HPSE2: variants seen among roughly 807,000 people sequenced by gnomAD.
The protein encoded by HPSE2 is heparanase 2 (inactive).
Under a neutral mutation model 60.5 loss-of-function variants are expected in HPSE2, and 38 were observed. The ratio of observed to expected loss-of-function variants is 0.63; its 90% CI spans 0.48 to 0.82. The LOEUF is 0.82. HPSE2 is among the 40% of genes least tolerant of loss of function. HPSE2 has a pLI of 0.00. For synonymous variants in HPSE2, 295 were observed against 293.2 expected, an observed-to-expected ratio of 1.01 and a Z score of -0.06; for missense variants, 713 against 740.4, an observed-to-expected ratio of 0.96 and a Z score of 0.43.
intron 9 of HPSE2, among the ~76,000 whole-genome samples, chr10:98,491,712 T>A (rs191717511): frequency 6.6e-6 from 1 of 152,170 alleles, no homozygotes; most frequent in Non-Finnish European, 1.5e-5. Context: ...TTTCAAGGGG[T>A]ATCTCAGGTC....
chr10:98,711,010 G>A (rs965047421), intron 5 of HPSE2, among the ~76,000 whole-genome samples: 6 of 152,066 alleles, frequency 3.9e-5, no homozygotes, highest in African/African-American at 1.4e-4. Flanking sequence ...AGGCAGATGT[G>A]AGAGAATAAC....
At chr10:99,132,219 G>A (rs1405853894) in intron 3 of HPSE2, among the ~76,000 whole-genome samples, 1,018 of 21,956 alleles carry the variant, frequency 0.046, 131 homozygotes, top group Middle Eastern at 0.23. Context: ...GAGAGAGAGA[G>A]AGAGAGAGAG....
At chr10:98,917,281 G>C (rs1402469248) in intron 3 of HPSE2, among the ~76,000 whole-genome samples, 1 of 152,098 alleles carries the variant, frequency 6.6e-6, no homozygotes, top group South Asian at 2.1e-4. Context: ...AGCTACAAAG[G>C]TTCTAATTAT....
At chr10:98,552,840 TA>T (rs1482403353) in intron 9 of HPSE2, among the ~76,000 whole-genome samples, 4 of 152,252 alleles carry the variant, frequency 2.6e-5, no homozygotes, top group African/African-American at 7.2e-5. Context: ...AGACATCCCA[TA>T]TCAGCCTCTT....
chr10:99,011,021 C>T (rs1957000602), intron 3 of HPSE2, among the ~76,000 whole-genome samples: 1 of 151,848 alleles, frequency 6.6e-6, no homozygotes, highest in African/African-American at 2.4e-5. Context: ...CCTTCAACCC[C>T]TCTGTAGGCC....
intron 3 of HPSE2, among the ~76,000 whole-genome samples, chr10:98,937,981 T>C (rs1270158578): frequency 7.0e-6 from 1 of 143,550 alleles, no homozygotes; most frequent in Non-Finnish European, 1.5e-5. Context: ...GCAAACAGGG[T>C]CTGGAGTGGA....
chr10:98,508,457 G>T (rs560131532), intron 9 of HPSE2, among the ~76,000 whole-genome samples: 1 of 152,184 alleles, frequency 6.6e-6, no homozygotes, highest in South Asian at 2.1e-4. Flanking sequence ...CTAGTAGAGT[G>T]CCCGGCTATA....
At chr10:99,308,004 A>G in the HPSE2 span, among the ~76,000 whole-genome samples, 1 of 152,182 alleles carries the variant, frequency 6.6e-6, no homozygotes, top group South Asian at 2.1e-4. Context: ...TTCTACTCCT[A>G]TGTATACACA....
chr10:98,602,204 A>T (rs960565686), intron 9 of HPSE2, among the ~76,000 whole-genome samples: 1 of 152,154 alleles, frequency 6.6e-6, no homozygotes, highest in African/African-American at 2.4e-5. Context: ...AGCCACCAAA[A>T]TGGTACCTTG....
chr10:99,232,675 C>T (rs1416311912), intron 1 of HPSE2, among the ~76,000 whole-genome samples, 170 bp from the exon 2 acceptor site: 1 of 152,250 alleles, frequency 6.6e-6, no homozygotes, highest in Non-Finnish European at 1.5e-5. Context: ...TGCCCTGCGC[C>T]CCAGCCCGCC....
chr10:99,308,122 T>C, the HPSE2 span, among the ~76,000 whole-genome samples: 7 of 151,880 alleles, frequency 4.6e-5, no homozygotes, highest in African/African-American at 1.7e-4. Flanking sequence ...GTGCGGTGGC[T>C]CATGCCTGTA....
At chr10:98,949,964 CAA>C (rs1193929640) in intron 3 of HPSE2, among the ~76,000 whole-genome samples, 3 of 152,206 alleles carry the variant, frequency 2.0e-5, no homozygotes, top group South Asian at 4.1e-4. Context: ...TTAAAAATAT[CAA>C]GTTTTCTTTA....
At chr10:98,824,771 AGAAAACCCC>A in intron 3 of HPSE2, among the ~76,000 whole-genome samples, 1 of 152,338 alleles carries the variant, frequency 6.6e-6, no homozygotes, top group South Asian at 2.1e-4. Context: ...ATTGTTTTCA[AGAAAACCCC>A]TCAAGTCACA....
intron 6 of HPSE2, among the ~76,000 whole-genome samples, chr10:98,654,732 T>C (rs1171121852): frequency 6.6e-6 from 1 of 152,240 alleles, no homozygotes; most frequent in Non-Finnish European, 1.5e-5. Context: ...TGATACTTTG[T>C]TCAGACTGTG....
intron 3 of HPSE2, among the ~76,000 whole-genome samples, chr10:99,099,501 G>C (rs538758930): frequency 1.4e-4 from 22 of 152,356 alleles, no homozygotes; most frequent in African/African-American, 4.6e-4. Context: ...CTGGAAGCTT[G>C]AACTGGGTGG....
At chr10:98,783,034 C>G (rs1375050215) in intron 3 of HPSE2, among the ~76,000 whole-genome samples, 7 of 106,668 alleles carry the variant, frequency 6.6e-5, no homozygotes, top group African/African-American at 2.7e-4. Context: ...TGGTGCGCTG[C>G]ACCCACTAAC....
At chr10:98,597,970 CAAAAAAAAAAA>C (rs571184082) in intron 9 of HPSE2, among the ~76,000 whole-genome samples, 16,993 of 55,110 alleles carry the variant, frequency 0.31, 1,294 homozygotes, top group East Asian at 0.4. Context: ...GACTCCATCT[CAAAAAAAAAAA>C]AAAAAAAAAA....
chr10:98,789,795 T>C (rs1950617789), intron 3 of HPSE2, among the ~76,000 whole-genome samples: 1 of 152,210 alleles, frequency 6.6e-6, no homozygotes, highest in Non-Finnish European at 1.5e-5. Flanking sequence ...AGAAGGCTAA[T>C]GGCTAGAGTT....
At chr10:98,872,092 T>C (rs1952747985) in intron 3 of HPSE2, among the ~76,000 whole-genome samples, 1 of 152,120 alleles carries the variant, frequency 6.6e-6, no homozygotes. Context: ...TTTAGGCATT[T>C]TTGTGAGGTC....
Sources: allele counts gnomAD v4.1 joint callset (sites outside exome capture counted in the v4.1 genomes callset), GRCh38; gene constraint gnomAD v4.1.1; transcripts MANE v1.5; gene names NCBI Gene and HGNC (gene_info 2026-07-23, HGNC 2026-07-21).